The following GMCL1 variants were observed in gnomAD, a reference collection of about 807,000 sequenced individuals.
GMCL1 encodes germ cell-less 1, spermatogenesis associated.
GMCL1 carries 54 observed loss-of-function variants against 75.5 expected under a neutral mutation model. That is an observed-to-expected ratio of 0.71 (90% confidence interval 0.57 to 0.90). The LOEUF is 0.90. Among genes scored for constraint, GMCL1 ranks in the 40% least tolerant of loss-of-function variants. The pLI, the probability that GMCL1 is intolerant of heterozygous loss-of-function variation, is 0.00. For missense variants in GMCL1, 537 were observed against 622.7 expected, an observed-to-expected ratio of 0.86 and a Z score of 1.47; for synonymous variants, 210 against 209.6, an observed-to-expected ratio of 1.00 and a Z score of -0.02.
At chr2:69,848,705 T>C (rs928423250) in intron 7 of GMCL1, among the ~76,000 whole-genome samples, 12 of 152,212 alleles carry the variant, frequency 7.9e-5, no homozygotes, top group African/African-American at 2.9e-4. Flanking sequence ...TTGCCAGTAA[T>C]GGTAAGTACT....
At chr2:69,871,495 G>A (rs538855952) in intron 12 of GMCL1, among the ~76,000 whole-genome samples, 1 of 152,244 alleles carries the variant, frequency 6.6e-6, no homozygotes, top group Non-Finnish European at 1.5e-5. Flanking sequence ...CTTTAAAATG[G>A]TTAAAATGAT....
intron 8 of GMCL1, 90 bp downstream of exon 8, chr2:69,849,832 A>G (rs1021344159): frequency 1.2e-5 from 8 of 683,212 alleles, no homozygotes; most frequent in African/African-American, 5.6e-5. Flanking sequence ...AAATTAATTA[A>G]TTAAATGAAA....
At chr2:69,877,583 T>C (rs1573378941) in intron 13 of GMCL1, among the ~76,000 whole-genome samples, 2 of 152,214 alleles carry the variant, frequency 1.3e-5, no homozygotes, top group East Asian at 3.8e-4. Flanking sequence ...CAACCATGCT[T>C]TGGCATAATT....
At chr2:69,834,710 T>C (rs1423175349) in intron 1 of GMCL1, among the ~76,000 whole-genome samples, 1 of 152,200 alleles carries the variant, frequency 6.6e-6, no homozygotes, top group African/African-American at 2.4e-5. Flanking sequence ...TTAATGGCCT[T>C]GGTACTTGTT....
At position 69,874,946 on chromosome 2, in the gene GMCL1, C is replaced by T. The variant is rs929258715; in HGVS notation, c.1452+3114C>T. Among the ~76,000 whole-genome samples the T allele has an allele frequency of 4.0e-5, 6 of 151,500 alleles. No homozygotes were observed. In the East Asian group the frequency reaches 5.8e-4, roughly 15 times the overall value. On this transcript the variant is annotated intron_variant, in intron 13 of 13. Transcript: ENST00000282570. ...TTTTTATAGAGACGAGGTTTTGCCA[C>T]GTTGCCTGGGCTTGTCTGGAATTCC...
At chr2:69,846,833 T>A (rs926334801) in intron 6 of GMCL1, among the ~76,000 whole-genome samples, 7 of 152,072 alleles carry the variant, frequency 4.6e-5, no homozygotes, top group Non-Finnish European at 1.0e-4. Flanking sequence ...GTGTCTTTTT[T>A]TTTTTGGTTT....
chr2:69,857,249 A>C (rs1156372518), intron 9 of GMCL1, among the ~76,000 whole-genome samples: 1 of 152,052 alleles, frequency 6.6e-6, no homozygotes, highest in East Asian at 1.9e-4. Flanking sequence ...GGTCACTCTC[A>C]CAGTTGTCTT....
chr2:69,852,544 C>CTGT (rs1553371414), intron 8 of GMCL1, among the ~76,000 whole-genome samples: 11 of 147,682 alleles, frequency 7.4e-5, no homozygotes, highest in South Asian at 6.4e-4. Context: ...GTCTGTCTGT[C>CTGT]TTTTTTTTTT....
rs1553372489 is a variant in GMCL1 at position 69,859,742 on chromosome 2, T to TTAAAAAAAAAAAAAAAAAAAAAAAAA, written c.1073-1536_1073-1535insTAAAAAAAAAAAAAAAAAAAAAAAAA. Among the ~76,000 whole-genome samples the TTAAAAAAAAAAAAAAAAAAAAAAAAA allele has an allele frequency of 6.3e-5, 5 of 79,092 alleles. 1 individual carries two copies. The highest frequency in any genetic ancestry group is 6.3e-3 in the Middle Eastern group (1 of 160). The allele number at this position is 79,092 out of a possible 152,430, so 51.9% of individuals were successfully genotyped here. ...GAGTGAGACCGTGTCTCTCTCTCTC[T>TTAAAAAAAAAAAAAAAAAAAAAAAAA]AAAAAAAAAAAAAAAAGTATATATG... On this transcript the variant is annotated intron_variant, in intron 9 of 13. Transcript: ENST00000282570.
At chr2:69,856,129 A>G (rs573712433) in intron 9 of GMCL1, among the ~76,000 whole-genome samples, 12 of 152,328 alleles carry the variant, frequency 7.9e-5, no homozygotes, top group East Asian at 3.9e-4. Flanking sequence ...ATAATTATTT[A>G]TCACATTGTG....
At chr2:69,873,190 A>G (rs544492291) in intron 13 of GMCL1, among the ~76,000 whole-genome samples, 1 of 152,290 alleles carries the variant, frequency 6.6e-6, no homozygotes, top group East Asian at 1.9e-4. Context: ...TACCTGAACC[A>G]AGCCTCAAAT....
intron 1 of GMCL1, among the ~76,000 whole-genome samples, chr2:69,834,341 A>G (rs1408457573): frequency 6.6e-6 from 1 of 152,148 alleles, no homozygotes; most frequent in Admixed American, 6.5e-5. Flanking sequence ...CCCCATCTCT[A>G]GGATTGAATC....
chr2:69,855,216 CTTTAA>C (rs1156761586), intron 9 of GMCL1, among the ~76,000 whole-genome samples: 2 of 151,738 alleles, frequency 1.3e-5, no homozygotes, highest in Admixed American at 6.6e-5. Context: ...TATGGATGTT[CTTTAA>C]TTTAATAAAC....
intron 8 of GMCL1, among the ~76,000 whole-genome samples, chr2:69,852,244 G>A (rs928618325): frequency 6.6e-6 from 1 of 152,164 alleles, no homozygotes; most frequent in African/African-American, 2.4e-5. Flanking sequence ...AAGAGAAATT[G>A]CCCTGTAGCC....
At chr2:69,873,968 G>A (rs1255695012) in intron 13 of GMCL1, 2 of 136,430 alleles carry the variant, frequency 1.5e-5, no homozygotes, top group Non-Finnish European at 3.3e-5. Context: ...TTTTCACTTT[G>A]TTGTACATAG....
At chr2:69,867,864 G>T (rs1279120308) in intron 11 of GMCL1, among the ~76,000 whole-genome samples, 2 of 152,132 alleles carry the variant, frequency 1.3e-5, no homozygotes, top group African/African-American at 4.8e-5. Context: ...ATTAGCTGAG[G>T]TAACTCATAC....
intron 11 of GMCL1, among the ~76,000 whole-genome samples, chr2:69,866,347 A>G (rs972663360): frequency 6.6e-6 from 1 of 152,100 alleles, no homozygotes; most frequent in Non-Finnish European, 1.5e-5. Flanking sequence ...CTAACTAATC[A>G]TAATTTTTGT....
At chr2:69,859,742 T>TTAAAAAAAAA (rs1553372489) in intron 9 of GMCL1, among the ~76,000 whole-genome samples, 5 of 79,130 alleles carry the variant, frequency 6.3e-5, no homozygotes, top group Non-Finnish European at 1.1e-4. Flanking sequence ...TCTCTCTCTC[T>TTAAAAAAAAA]AAAAAAAAAA....
intron 4 of GMCL1, 27 bp from the exon 5 acceptor site, chr2:69,843,122 C>A: frequency 1.5e-6 from 2 of 1,319,638 alleles, no homozygotes; most frequent in Non-Finnish European, 2.2e-6. Flanking sequence ...TGAAATGGGC[C>A]TTTCCAGTGC....
Sources: allele counts gnomAD v4.1 joint callset (sites outside exome capture counted in the v4.1 genomes callset), GRCh38; gene constraint gnomAD v4.1.1; transcripts MANE v1.5; gene names NCBI Gene and HGNC (gene_info 2026-07-23, HGNC 2026-07-21).